The following CSMD1 variants were observed in gnomAD, a reference collection of about 807,000 sequenced individuals.
The protein encoded by CSMD1 is CUB and sushi domain-containing protein 1.
Under a neutral mutation model 417.5 loss-of-function variants are expected in CSMD1, and 213 were observed. The observed-to-expected ratio is 0.51, with a 90% CI of 0.46 to 0.57. CSMD1 has a LOEUF of 0.57. CSMD1 is among the 20% of genes least tolerant of loss of function. The probability of loss-of-function intolerance (pLI) is 0.00; values close to 1 mark genes in which losing one functional copy is unlikely to be tolerated. For missense variants in CSMD1, 6,923 were observed against 4,529.7 expected, an observed-to-expected ratio of 1.53 and a Z score of -15.17; for synonymous variants, 2,862 against 1,736.8, an observed-to-expected ratio of 1.65 and a Z score of -16.11.
chr8:4,410,331 C>T (rs1335085931), intron 3 of CSMD1, among the ~76,000 whole-genome samples: 2 of 152,176 alleles, frequency 1.3e-5, no homozygotes, highest in African/African-American at 4.8e-5. Context: ...ACAATGGTCA[C>T]ACTCATAGTG....
rs181891878 is a variant in CSMD1, at chr8:3,725,629, A to G, written c.932-17138T>C. ...GAGAGAAGGTTTCAGGGAAGGAGTGATGTCCAAGCAACAGGATGGAGTGAG... is the reference window on the plus strand; with the variant it reads ...GAGAGAAGGTTTCAGGGAAGGAGTGGTGTCCAAGCAACAGGATGGAGTGAG... On this transcript the variant is annotated intron_variant, in intron 6 of 69. Coordinates refer to ENST00000635120, the MANE Select transcript of CSMD1 (RefSeq NM_033225.6). 6.6e-5 allele frequency among the ~76,000 whole-genome samples: 10 copies of G among 152,200 alleles called. No homozygotes were observed. The East Asian group carries it at 1.7e-3, about 27-fold the overall frequency.
At chr8:3,397,350 T>C (rs1313750700) in intron 16 of CSMD1, among the ~76,000 whole-genome samples, 2 of 152,172 alleles carry the variant, frequency 1.3e-5, no homozygotes, top group African/African-American at 4.8e-5. Context: ...CTTAGCCTCA[T>C]GGCGTGTAGC....
At chr8:4,706,589 T>G (rs1428443794) in intron 1 of CSMD1, among the ~76,000 whole-genome samples, 1 of 152,254 alleles carries the variant, frequency 6.6e-6, no homozygotes, top group Non-Finnish European at 1.5e-5. Context: ...TTTAAATTAG[T>G]TCAACTATTT....
At chr8:4,097,222 G>C (rs1801060787) in intron 3 of CSMD1, among the ~76,000 whole-genome samples, 1 of 152,158 alleles carries the variant, frequency 6.6e-6, no homozygotes, top group African/African-American at 2.4e-5. Flanking sequence ...CTTGGAAGGA[G>C]ATAAGTCCCT....
chr8:4,793,272 T>C (rs1797791800), intron 1 of CSMD1, among the ~76,000 whole-genome samples: 1 of 152,154 alleles, frequency 6.6e-6, no homozygotes, highest in Non-Finnish European at 1.5e-5. Flanking sequence ...TATGTATTTG[T>C]TTTAGGCTGG....
intron 10 of CSMD1, among the ~76,000 whole-genome samples, chr8:3,539,855 A>G (rs1214812895): frequency 6.6e-6 from 1 of 152,196 alleles, no homozygotes; most frequent in Non-Finnish European, 1.5e-5. Flanking sequence ...TCTGGTGGAT[A>G]ATTTTGTTCG....
At chr8:3,911,033 C>T (rs1365496934) in intron 5 of CSMD1, among the ~76,000 whole-genome samples, 4 of 152,088 alleles carry the variant, frequency 2.6e-5, no homozygotes, top group African/African-American at 9.7e-5. Flanking sequence ...CCCAGCTAGC[C>T]CTCTGGGGAC....
intron 3 of CSMD1, among the ~76,000 whole-genome samples, chr8:4,321,964 T>C (rs10099850): frequency 0.23 from 35,172 of 151,976 alleles, 5,399 homozygotes; most frequent in African/African-American, 0.44. Flanking sequence ...ACTATGAAAT[T>C]ACCAGGGTCA....
intron 2 of CSMD1, among the ~76,000 whole-genome samples, chr8:4,472,933 T>C (rs1237573740): frequency 2.6e-5 from 4 of 151,986 alleles, no homozygotes; most frequent in Non-Finnish European, 5.9e-5. Flanking sequence ...TTACACTCCA[T>C]TCTATGTAAA....
intron 20 of CSMD1, among the ~76,000 whole-genome samples, chr8:3,362,313 A>C (rs1380941470): frequency 6.6e-6 from 1 of 152,138 alleles, no homozygotes; most frequent in Non-Finnish European, 1.5e-5. Flanking sequence ...CCTCTCATCT[A>C]TTCAGGCTTT....
intron 3 of CSMD1, among the ~76,000 whole-genome samples, chr8:4,106,229 G>T (rs144423962): frequency 6.6e-6 from 1 of 152,190 alleles, no homozygotes; most frequent in Non-Finnish European, 1.5e-5. Context: ...GTCAGGGAGT[G>T]ATCTATAAAC....
chr8:3,692,863 G>A (rs2624069), intron 7 of CSMD1, among the ~76,000 whole-genome samples: 7,569 of 152,190 alleles, frequency 0.05, 639 homozygotes, highest in African/African-American at 0.17. Context: ...TTGGAAAAAT[G>A]TTAATATTCT....
At chr8:4,086,538 A>G (rs1800430555) in intron 3 of CSMD1, among the ~76,000 whole-genome samples, 1 of 152,218 alleles carries the variant, frequency 6.6e-6, no homozygotes, top group Admixed American at 6.5e-5. Flanking sequence ...CAATTTGTCA[A>G]GCTCTTAAAA....
chr8:3,333,049 G>A (rs1038517542), intron 23 of CSMD1, among the ~76,000 whole-genome samples: 14 of 152,166 alleles, frequency 9.2e-5, no homozygotes, highest in East Asian at 1.9e-4. Context: ...GCAAGGACAC[G>A]CCCTGCCCAG....
At chr8:4,785,924 C>T (rs1486048276) in intron 1 of CSMD1, among the ~76,000 whole-genome samples, 1 of 152,136 alleles carries the variant, frequency 6.6e-6, no homozygotes, top group South Asian at 2.1e-4. Context: ...CTGAACCCTC[C>T]TCAGTCATGC....
intron 12 of CSMD1, among the ~76,000 whole-genome samples, chr8:3,451,404 G>C (rs1429898397): frequency 3.9e-5 from 6 of 152,188 alleles, no homozygotes; most frequent in Admixed American, 6.5e-5. Flanking sequence ...GCTATGTCCT[G>C]AATGGTATTG....
rs149468535 is a variant in CSMD1, at chr8:4,890,552, G to T, written c.85+103780C>A. Among the ~76,000 whole-genome samples the T allele has an allele frequency of 5.5e-3, 833 of 151,048 alleles. 15 individuals carry two copies. Among genetic ancestry groups the T allele is most frequent in the African/African-American group, 0.019 (796 of 41,090 alleles). ...ACTCTGACACCCTCCTCTCCTTCAG[G>T]TCCTCACAGTCATGGGCATCCTGGG... On this transcript the variant is annotated intron_variant, in intron 1 of 69. Coordinates refer to ENST00000635120, the MANE Select transcript of CSMD1 (RefSeq NM_033225.6).
chr8:4,445,389 C>A (rs374668785), intron 2 of CSMD1, among the ~76,000 whole-genome samples: 1 of 152,140 alleles, frequency 6.6e-6, no homozygotes, highest in Non-Finnish European at 1.5e-5. Context: ...TCAACAAATT[C>A]TATGCTTTTG....
intron 3 of CSMD1, among the ~76,000 whole-genome samples, chr8:4,396,276 A>G (rs1251405619): frequency 6.6e-6 from 1 of 151,354 alleles, no homozygotes; most frequent in African/African-American, 2.4e-5. Context: ...AGCTTGGGGA[A>G]TACAGTGAGA....
Sources: gnomAD v4.1 joint callset for allele counts (sites outside exome capture counted in the v4.1 genomes callset) on GRCh38, gnomAD v4.1.1 for gene constraint, MANE v1.5 for transcripts, NCBI Gene and HGNC (gene_info 2026-07-23, HGNC 2026-07-21) for gene names.